The following ASIC2 variants were observed in gnomAD, a reference collection of about 807,000 sequenced individuals.
ASIC2 encodes the protein acid sensing ion channel subunit 2.
Under a neutral mutation model 57.3 loss-of-function variants are expected in ASIC2, and 25 were observed. That is an observed-to-expected ratio of 0.44 (90% CI 0.32 to 0.61). ASIC2 has a LOEUF of 0.61. Ranked by LOEUF, ASIC2 falls within the 20% of genes least tolerant of loss-of-function variation. The pLI is 0.06. For synonymous variants in ASIC2, 319 were observed against 307.5 expected (o/e 1.04, Z -0.39); for missense variants, 641 against 738.1 (o/e 0.87, Z 1.52).
intron 1 of ASIC2, among the ~76,000 whole-genome samples, chr17:33,504,206 C>T (rs1453580908): frequency 6.6e-6 from 1 of 152,236 alleles, no homozygotes; most frequent in Non-Finnish European, 1.5e-5. Flanking sequence ...TTCTTCTCTC[C>T]TGGGCATACT....
chr17:33,772,025 G>A (rs1911128497), intron 1 of ASIC2, among the ~76,000 whole-genome samples: 2 of 152,158 alleles, frequency 1.3e-5, no homozygotes, highest in Non-Finnish European at 2.9e-5. Flanking sequence ...GTTTTCTCCT[G>A]TCTTCCTGCC....
intron 1 of ASIC2, among the ~76,000 whole-genome samples, chr17:33,390,855 G>T (rs1224917165): frequency 6.6e-6 from 1 of 152,110 alleles, no homozygotes; most frequent in East Asian, 1.9e-4. Flanking sequence ...TATCACTTTT[G>T]CCATATTTTC....
intron 1 of ASIC2, among the ~76,000 whole-genome samples, chr17:33,799,351 TC>T (rs1319963373): frequency 4.1e-5 from 6 of 145,576 alleles, no homozygotes; most frequent in African/African-American, 5.2e-5. Context: ...TTCCTCTCTT[TC>T]TCTTTCTTTC....
chr17:33,278,335 G>A (rs963391833), intron 1 of ASIC2, among the ~76,000 whole-genome samples: 2 of 151,886 alleles, frequency 1.3e-5, no homozygotes, highest in African/African-American at 4.8e-5. Context: ...TCACCTGGGG[G>A]TGTCTGTTAA....
intron 1 of ASIC2, among the ~76,000 whole-genome samples, chr17:33,604,666 G>A (rs1392191328): frequency 6.6e-6 from 1 of 152,090 alleles, no homozygotes; most frequent in Non-Finnish European, 1.5e-5. Context: ...TCATCCTGGA[G>A]GTGGCTGGAG....
intron 1 of ASIC2, among the ~76,000 whole-genome samples, chr17:33,641,017 G>A (rs991471238): frequency 6.6e-6 from 1 of 152,162 alleles, no homozygotes; most frequent in Non-Finnish European, 1.5e-5. Context: ...ATGGGAGAAG[G>A]GGTCTTCTTT....
chr17:33,808,808 T>C (rs540558806), intron 1 of ASIC2, among the ~76,000 whole-genome samples: 1 of 152,356 alleles, frequency 6.6e-6, no homozygotes, highest in East Asian at 1.9e-4. Context: ...GCTTGCTTGG[T>C]ACATGACAAA....
chr17:33,356,062 G>A (rs1279408877), intron 1 of ASIC2, among the ~76,000 whole-genome samples: 1 of 152,106 alleles, frequency 6.6e-6, no homozygotes. Flanking sequence ...GGGGATAAGC[G>A]TGAAGAGTAT....
intron 1 of ASIC2, among the ~76,000 whole-genome samples, chr17:33,449,942 A>C (rs1368780648): frequency 6.6e-6 from 1 of 152,004 alleles, no homozygotes; most frequent in Non-Finnish European, 1.5e-5. Context: ...TAATTTTTGT[A>C]TTTTTAGTAG....
intron 1 of ASIC2, among the ~76,000 whole-genome samples, chr17:33,822,931 A>C (rs1912791119): frequency 6.6e-6 from 1 of 152,214 alleles, no homozygotes; most frequent in Admixed American, 6.5e-5. Flanking sequence ...TTAAGCATGA[A>C]GTAATGGCCA....
chr17:34,152,272 A>C (rs1198789927), intron 1 of ASIC2, among the ~76,000 whole-genome samples: 1 of 152,234 alleles, frequency 6.6e-6, no homozygotes, highest in East Asian at 1.9e-4. Flanking sequence ...TACAACTATG[A>C]AAGTAGGTTA....
chr17:34,089,825 G>A (rs924383139), intron 1 of ASIC2, among the ~76,000 whole-genome samples: 11 of 152,118 alleles, frequency 7.2e-5, no homozygotes, highest in South Asian at 2.1e-4. Flanking sequence ...GCTCCAGGGC[G>A]ATGGTCCAGA....
At chr17:33,364,915 C>T (rs545770935) in intron 1 of ASIC2, among the ~76,000 whole-genome samples, 24 of 152,284 alleles carry the variant, frequency 1.6e-4, no homozygotes, top group African/African-American at 5.3e-4. Context: ...AGTCCAACTC[C>T]GCAGTCAAGT....
chr17:33,884,062 G>A (rs1187277909), intron 1 of ASIC2, among the ~76,000 whole-genome samples: 2 of 152,166 alleles, frequency 1.3e-5, no homozygotes, highest in Non-Finnish European at 2.9e-5. Flanking sequence ...TTCCTTGTTT[G>A]CAACCGCACA....
At chr17:33,518,378 C>T (rs994685078) in intron 1 of ASIC2, among the ~76,000 whole-genome samples, 5 of 152,284 alleles carry the variant, frequency 3.3e-5, no homozygotes, top group African/African-American at 4.8e-5. Flanking sequence ...GAGTCCCAGC[C>T]CCTGCATGAT....
intron 3 of ASIC2, among the ~76,000 whole-genome samples, chr17:33,070,000 T>C (rs1268147049): frequency 6.6e-6 from 1 of 152,216 alleles, no homozygotes; most frequent in Admixed American, 6.5e-5. Flanking sequence ...TGATTTCATT[T>C]ATACCCTTTG....
intron 1 of ASIC2, among the ~76,000 whole-genome samples, chr17:33,378,803 C>T (rs1909372270): frequency 1.3e-5 from 2 of 152,160 alleles, no homozygotes; most frequent in South Asian, 4.1e-4. Flanking sequence ...TTGATGTTGT[C>T]CACCTGAAAT....
chr17:33,093,794 T>TA (rs1463700257), intron 2 of ASIC2, among the ~76,000 whole-genome samples: 1 of 152,142 alleles, frequency 6.6e-6, no homozygotes, highest in Non-Finnish European at 1.5e-5. Context: ...TAAAAGAAGC[T>TA]AAAATCTTTC....
intron 1 of ASIC2, among the ~76,000 whole-genome samples, chr17:33,710,494 G>A (rs1162873780): frequency 4.6e-5 from 7 of 152,182 alleles, no homozygotes; most frequent in Non-Finnish European, 8.8e-5. Context: ...ACCTGTGGAC[G>A]TGGGTCAGGT....
Sources: allele counts gnomAD v4.1 joint callset (sites outside exome capture counted in the v4.1 genomes callset), GRCh38; gene constraint gnomAD v4.1.1; transcripts MANE v1.5; gene names NCBI Gene and HGNC (gene_info 2026-07-23, HGNC 2026-07-21).